The following CCDC85A variants were observed in gnomAD, a reference collection of about 807,000 sequenced individuals.
The protein encoded by CCDC85A is coiled-coil domain containing 85A, also known as coiled-coil domain-containing protein 85A.
CCDC85A carries 38 observed loss-of-function variants against 50.2 expected under a neutral mutation model. The observed-to-expected ratio is 0.76, with a 90% confidence interval of 0.58 to 0.99. The LOEUF (loss-of-function observed/expected upper bound fraction) is 0.99. CCDC85A is among the 50% of genes least tolerant of loss of function. The pLI is 0.00. For missense variants in CCDC85A, 820 were observed against 742.0 expected (o/e 1.11, Z -1.22); for synonymous variants, 366 against 301.4 (o/e 1.21, Z -2.22).
At chr2:56,271,933 C>A (rs1346768364) in intron 2 of CCDC85A, among the ~76,000 whole-genome samples, 4 of 152,134 alleles carry the variant, frequency 2.6e-5, no homozygotes, top group Non-Finnish European at 4.4e-5. Context: ...GATGTGTGAG[C>A]TTCCTTCCAG....
intron 2 of CCDC85A, among the ~76,000 whole-genome samples, chr2:56,285,853 T>A (rs1438421661): frequency 6.6e-6 from 1 of 152,112 alleles, no homozygotes; most frequent in Non-Finnish European, 1.5e-5. Flanking sequence ...GTTCGGCTGG[T>A]ATCATTTGCC....
chr2:56,369,374 T>A (rs1675963354), intron 3 of CCDC85A, among the ~76,000 whole-genome samples: 1 of 152,162 alleles, frequency 6.6e-6, no homozygotes, highest in Admixed American at 6.6e-5. Flanking sequence ...ATGTTGCAGA[T>A]GTAGTTGTTC....
chr2:56,199,452 C>T (rs999974173), intron 2 of CCDC85A, among the ~76,000 whole-genome samples: 2 of 152,160 alleles, frequency 1.3e-5, no homozygotes. Flanking sequence ...GCCAGTGTAT[C>T]TGTGATTGGA....
At chr2:56,217,909 A>G (rs1248894440) in intron 2 of CCDC85A, among the ~76,000 whole-genome samples, 2 of 151,800 alleles carry the variant, frequency 1.3e-5, no homozygotes, top group Admixed American at 1.3e-4. Context: ...TTGCCTGATT[A>G]TTGGTTTCTT....
intron 2 of CCDC85A, among the ~76,000 whole-genome samples, chr2:56,238,742 A>G (rs78510157): frequency 0.026 from 3,930 of 152,234 alleles, 162 homozygotes; most frequent in African/African-American, 0.086. Context: ...TAAGACCACT[A>G]TATAAGAGTA....
At chr2:56,276,701 T>C (rs951730266) in intron 2 of CCDC85A, among the ~76,000 whole-genome samples, 2 of 152,220 alleles carry the variant, frequency 1.3e-5, no homozygotes, top group Non-Finnish European at 2.9e-5. Context: ...CTGATATGTC[T>C]TTGTCAGCAG....
chr2:56,275,187 T>C (rs214043), intron 2 of CCDC85A, among the ~76,000 whole-genome samples: 87,951 of 152,010 alleles, frequency 0.58, 27,576 homozygotes, highest in South Asian at 0.79. Context: ...GAATCTGTTA[T>C]ATTAATATAA....
chr2:56,184,013 C>G lies in CCDC85A; in HGVS notation c.-612C>G. The G allele has an allele frequency of 4.1e-6, 4 of 985,572 alleles. No individual in the cohort carries two copies. Among genetic ancestry groups the G allele is most frequent in the Middle Eastern group, 5.2e-4 (1 of 1,916 alleles). The allele number at this position is 985,572 out of a possible 1,614,324, so 61.1% of individuals were successfully genotyped here. A position where few individuals can be genotyped will look rare whatever the true frequency, so the allele number is the denominator to read the frequency against. On this transcript the variant is annotated 5_prime_UTR_variant, in exon 1 of 6. In the 5' UTR this introduces an upstream ATG that the reference lacks. Transcript: ENST00000407595. ...CCCTTCTCGACTCCGCTCTGCAAATCGAAGGCTTTCCGGAGCAGCCTAGGA... is the reference window on the plus strand; with the variant it reads ...CCCTTCTCGACTCCGCTCTGCAAATGGAAGGCTTTCCGGAGCAGCCTAGGA...
intron 2 of CCDC85A, among the ~76,000 whole-genome samples, chr2:56,285,218 C>T (rs1251020223): frequency 2.0e-5 from 3 of 151,226 alleles, no homozygotes; most frequent in African/African-American, 7.3e-5. Flanking sequence ...TCACCTGCCT[C>T]GGCCTCCCAA....
intron 5 of CCDC85A, among the ~76,000 whole-genome samples, chr2:56,380,677 T>C (rs1676544715): frequency 6.6e-6 from 1 of 152,102 alleles, no homozygotes; most frequent in African/African-American, 2.4e-5. Flanking sequence ...ACGTGCATAT[T>C]CAACGCAATC....
intron 2 of CCDC85A, among the ~76,000 whole-genome samples, chr2:56,263,126 G>T (rs1053950166): frequency 1.3e-5 from 2 of 152,132 alleles, no homozygotes; most frequent in African/African-American, 4.8e-5. Context: ...ACCTTTCTTG[G>T]GCACTGTGAC....
chr2:56,208,868 A>G (rs1022105345), intron 2 of CCDC85A, among the ~76,000 whole-genome samples: 41 of 152,084 alleles, frequency 2.7e-4, no homozygotes, highest in Admixed American at 6.6e-4. Context: ...TATAAATACC[A>G]TATAAAACAA....
intron 2 of CCDC85A, among the ~76,000 whole-genome samples, chr2:56,249,338 C>T (rs1018109984): frequency 6.6e-6 from 1 of 152,228 alleles, no homozygotes; most frequent in African/African-American, 2.4e-5. Flanking sequence ...TTTCTTTGCT[C>T]CCATCCCTTG....
chr2:56,362,892 G>C (rs1456753246), intron 3 of CCDC85A, among the ~76,000 whole-genome samples: 1 of 152,050 alleles, frequency 6.6e-6, no homozygotes, highest in Non-Finnish European at 1.5e-5. Context: ...CAAAGTGCTG[G>C]GATTACAGGT....
At position 56,211,208 on chromosome 2, in the gene CCDC85A, G is replaced by A. The variant is rs558869114; in HGVS notation, c.1240+17768G>A. 5.3e-5 allele frequency among the ~76,000 whole-genome samples: 8 copies of A among 152,162 alleles called. No individual in the cohort carries two copies. The South Asian group carries it at 1.7e-3, about 32-fold the overall frequency. On this transcript the variant is annotated intron_variant, in intron 2 of 5. Transcript: ENST00000407595. ...GAATGTTCCCTTTGGGGAAAAGAGT[G>A]GGAGGCAGCATGGACTTACAGTGCA...
intron 3 of CCDC85A, among the ~76,000 whole-genome samples, chr2:56,369,203 A>AT (rs1558662671): frequency 6.6e-6 from 1 of 152,076 alleles, no homozygotes; most frequent in African/African-American, 2.4e-5. Context: ...TAAATGGTCT[A>AT]TTTTTTTGCA....
At chr2:56,359,657 C>G (rs1389773435) in intron 3 of CCDC85A, among the ~76,000 whole-genome samples, 1 of 152,134 alleles carries the variant, frequency 6.6e-6, no homozygotes, top group African/African-American at 2.4e-5. Flanking sequence ...CCATTTCTGG[C>G]TAAGGAGGAG....
rs1313530535 is a variant in CCDC85A, at chr2:56,386,070, A to G, written c.*1715A>G. ...TCTTTTGACAAAATAAACTTGTGTA[A>G]ATTTTGATACTGTATTAAAACTATT... On this transcript the variant is annotated 3_prime_UTR_variant, in exon 6 of 6. Coordinates refer to ENST00000407595, the MANE Select transcript of CCDC85A (RefSeq NM_001080433.2). 1 of 152,240 alleles carries G rather than the reference A, an allele frequency of 6.6e-6. No individual in the cohort carries two copies. The allele number at this position is 152,240 out of a possible 1,614,324, so 9.4% of individuals were successfully genotyped here. A position where few individuals can be genotyped will look rare whatever the true frequency, so the allele number is the denominator to read the frequency against.
chr2:56,279,633 T>A (rs1264756825), intron 2 of CCDC85A, among the ~76,000 whole-genome samples: 1 of 152,164 alleles, frequency 6.6e-6, no homozygotes, highest in Non-Finnish European at 1.5e-5. Context: ...TTCTATGAGA[T>A]CAACTTTTTT....
Sources: gnomAD v4.1 joint callset for allele counts (sites outside exome capture counted in the v4.1 genomes callset) on GRCh38, gnomAD v4.1.1 for gene constraint, MANE v1.5 for transcripts, NCBI Gene and HGNC (gene_info 2026-07-23, HGNC 2026-07-21) for gene names.